IMMP2L: variants seen among roughly 807,000 people sequenced by gnomAD.
The protein encoded by IMMP2L is inner mitochondrial membrane peptidase subunit 2, also known as mitochondrial inner membrane protease subunit 2.
In IMMP2L, 18 loss-of-function variants were observed where a neutral mutation model predicts 19.3. That is an observed-to-expected ratio of 0.93 (90% confidence interval 0.64 to 1.38). The LOEUF (loss-of-function observed/expected upper bound fraction) is 1.38. IMMP2L is among the 40% of genes most tolerant of loss of function. The pLI is 0.00. For missense variants in IMMP2L, 233 were observed against 218.2 expected (o/e 1.07, Z -0.43); for synonymous variants, 76 against 73.0 (o/e 1.04, Z -0.21).
intron 3 of IMMP2L, among the ~76,000 whole-genome samples, chr7:111,417,297 T>C (rs1472181970): frequency 6.6e-6 from 1 of 151,850 alleles, no homozygotes; most frequent in Non-Finnish European, 1.5e-5. Context: ...CCTCTTCTTC[T>C]CCACCAATCT....
At chr7:110,778,419 T>C (rs935101240) in intron 5 of IMMP2L, among the ~76,000 whole-genome samples, 1 of 151,992 alleles carries the variant, frequency 6.6e-6, no homozygotes, top group Non-Finnish European at 1.5e-5. Context: ...ATGCTGATAA[T>C]CTCTTATGAT....
At chr7:111,515,613 C>A (rs547067354) in intron 2 of IMMP2L, among the ~76,000 whole-genome samples, 4 of 152,158 alleles carry the variant, frequency 2.6e-5, no homozygotes, top group Non-Finnish European at 5.9e-5. Flanking sequence ...AAGTTAGTTA[C>A]ACATTTTTAA....
intron 3 of IMMP2L, among the ~76,000 whole-genome samples, chr7:111,036,057 T>A (rs1791315727): frequency 6.6e-6 from 1 of 152,208 alleles, no homozygotes. Context: ...GTCATTATTA[T>A]TACTATTTTT....
chr7:111,492,656 C>A (rs1252137639), intron 2 of IMMP2L, among the ~76,000 whole-genome samples: 1 of 152,114 alleles, frequency 6.6e-6, no homozygotes, highest in African/African-American at 2.4e-5. Flanking sequence ...CACTCAAATG[C>A]CCAACTTTTC....
chr7:110,936,097 T>G (rs1204290454), intron 4 of IMMP2L, among the ~76,000 whole-genome samples: 2 of 152,146 alleles, frequency 1.3e-5, no homozygotes, highest in African/African-American at 4.8e-5. Context: ...ATAAAAACCC[T>G]AGAAGAAAAC....
At chr7:111,281,485 G>A (rs1357582308) in intron 3 of IMMP2L, among the ~76,000 whole-genome samples, 2 of 152,050 alleles carry the variant, frequency 1.3e-5, no homozygotes, top group Admixed American at 6.6e-5. Flanking sequence ...AGCATTTGAA[G>A]TCTATACTTT....
At chr7:111,503,019 A>G (rs1844465808) in intron 2 of IMMP2L, among the ~76,000 whole-genome samples, 1 of 151,938 alleles carries the variant, frequency 6.6e-6, no homozygotes, top group Admixed American at 6.6e-5. Flanking sequence ...TCAAAAAATT[A>G]ATGAATCCAG....
chr7:110,992,333 A>T (rs1822567881), intron 3 of IMMP2L, among the ~76,000 whole-genome samples: 1 of 152,054 alleles, frequency 6.6e-6, no homozygotes, highest in Non-Finnish European at 1.5e-5. Context: ...TACTTATTTA[A>T]CATTAAATAA....
intron 3 of IMMP2L, among the ~76,000 whole-genome samples, chr7:111,151,983 C>T (rs1436901689): frequency 1.3e-5 from 2 of 152,054 alleles, no homozygotes; most frequent in South Asian, 2.1e-4. Flanking sequence ...TAAGAGAGTA[C>T]TGTCGAAGTT....
At chr7:111,439,271 T>G (rs1174153175) in intron 3 of IMMP2L, among the ~76,000 whole-genome samples, 2 of 151,776 alleles carry the variant, frequency 1.3e-5, no homozygotes, top group Non-Finnish European at 2.9e-5. Context: ...TACTCCACAA[T>G]TCTAGTGGCC....
intron 3 of IMMP2L, among the ~76,000 whole-genome samples, chr7:111,273,430 G>A (rs970103338): frequency 5.3e-5 from 8 of 152,094 alleles, no homozygotes; most frequent in Admixed American, 4.6e-4. Context: ...GTTACCATGA[G>A]CTCATAGCCT....
intron 3 of IMMP2L, among the ~76,000 whole-genome samples, chr7:111,315,212 C>T (rs758854487): frequency 2.6e-5 from 4 of 151,984 alleles, no homozygotes; most frequent in South Asian, 4.1e-4. Flanking sequence ...AGTAATTTTG[C>T]GTTAAGCTTC....
chr7:111,506,263 A>G (rs1185085237), intron 2 of IMMP2L, among the ~76,000 whole-genome samples: 1 of 151,808 alleles, frequency 6.6e-6, no homozygotes, highest in African/African-American at 2.4e-5. Flanking sequence ...ATGCTCCTTC[A>G]TAATAAGGTG....
intron 3 of IMMP2L, among the ~76,000 whole-genome samples, chr7:111,359,128 T>G (rs1829013310): frequency 6.6e-6 from 1 of 152,138 alleles, no homozygotes. Flanking sequence ...GTTAACACGG[T>G]GAGACAGAGG....
chr7:111,095,177 ATTTTTG>A (rs1797274788), intron 3 of IMMP2L, among the ~76,000 whole-genome samples: 1 of 151,972 alleles, frequency 6.6e-6, no homozygotes. Context: ...ATAGAATAAA[ATTTTTG>A]AACTGAAAGA....
intron 5 of IMMP2L, among the ~76,000 whole-genome samples, chr7:110,698,802 T>C (rs1289667263): frequency 6.6e-6 from 1 of 152,238 alleles, no homozygotes; most frequent in Non-Finnish European, 1.5e-5. Flanking sequence ...GAGTCATCAC[T>C]TGCAAGTCTT....
At chr7:111,171,217 C>T (rs1223394597) in intron 3 of IMMP2L, among the ~76,000 whole-genome samples, 3 of 151,576 alleles carry the variant, frequency 2.0e-5, no homozygotes, top group Non-Finnish European at 4.4e-5. Context: ...CAAAGACATA[C>T]ACAGAGAAAG....
intron 5 of IMMP2L, among the ~76,000 whole-genome samples, chr7:110,845,228 T>G (rs372622599): frequency 1.2e-4 from 18 of 152,166 alleles, no homozygotes; most frequent in African/African-American, 3.6e-4. Context: ...CAGTGCACAC[T>G]GAATTAATAT....
chr7:111,045,729 A>G (rs1352522760), intron 3 of IMMP2L, among the ~76,000 whole-genome samples: 1 of 152,220 alleles, frequency 6.6e-6, no homozygotes, highest in African/African-American at 2.4e-5. Flanking sequence ...AAAGGCAGGA[A>G]AACTAATTCT....
Sources: gnomAD v4.1 joint callset for allele counts (sites outside exome capture counted in the v4.1 genomes callset) on GRCh38, gnomAD v4.1.1 for gene constraint, MANE v1.5 for transcripts, NCBI Gene and HGNC (gene_info 2026-07-23, HGNC 2026-07-21) for gene names.